Variants in PACSIN2 observed in about 807,000 individuals in gnomAD.
PACSIN2 encodes protein kinase C and casein kinase substrate in neurons 2, also known as protein kinase C and casein kinase substrate in neurons protein 2.
In PACSIN2, 25 loss-of-function variants were observed where a neutral mutation model predicts 63.8. The ratio of observed to expected loss-of-function variants is 0.39; its 90% CI spans 0.29 to 0.55. The LOEUF is 0.55. Among genes scored for constraint, PACSIN2 ranks in the 20% least tolerant of loss-of-function variants. The pLI, the probability that PACSIN2 is intolerant of heterozygous loss-of-function variation, is 0.62. For missense variants in PACSIN2, 518 were observed against 646.9 expected, an observed-to-expected ratio of 0.80 and a Z score of 2.16; for synonymous variants, 255 against 256.2, an observed-to-expected ratio of 1.00 and a Z score of 0.05.
At position 43,001,709 on chromosome 22, in the gene PACSIN2, G is replaced by T. The variant is rs146019870; in HGVS notation, c.-78+13312C>A. Among the ~76,000 whole-genome samples, 471 of 152,306 alleles carry T rather than the reference G, an allele frequency of 3.1e-3. 3 individuals are homozygous for T. The highest frequency in any genetic ancestry group is 0.011 in the African/African-American group (464 of 41,546). The stretch of plus-strand genomic sequence containing the variant: ...TGTGAACATCAGCTTTTCTTAGCTG[G>T]GATAAGAGGAACCAAGAAAAGTAAG... On this transcript the variant is annotated intron_variant, in intron 1 of 10. Transcript: ENST00000263246.
At chr22:42,879,887 T>C (rs970227997) in intron 7 of PACSIN2, among the ~76,000 whole-genome samples, 1 of 152,158 alleles carries the variant, frequency 6.6e-6, no homozygotes, top group Non-Finnish European at 1.5e-5. Context: ...GGACTTTTCC[T>C]CTGTGATCTG....
At chr22:42,933,011 A>G (rs1162378521) in intron 1 of PACSIN2, among the ~76,000 whole-genome samples, 1 of 152,288 alleles carries the variant, frequency 6.6e-6, no homozygotes, top group African/African-American at 2.4e-5. Context: ...ATTCTCAAGT[A>G]TCAAGAGTTG....
intron 2 of PACSIN2, chr22:42,909,297 T>C (rs1342530409): frequency 3.1e-6 from 1 of 323,756 alleles, no homozygotes; most frequent in African/African-American, 2.2e-5. Flanking sequence ...GGCTCTGGAA[T>C]GACATATTCC....
chr22:42,981,470 G>A (rs1431486339), intron 1 of PACSIN2, among the ~76,000 whole-genome samples: 8 of 73,254 alleles, frequency 1.1e-4, no homozygotes, highest in Admixed American at 3.3e-4. Context: ...CGCCCCGTCC[G>A]GGAGGGAGGC....
At chr22:42,977,612 G>C (rs1162114524) in intron 1 of PACSIN2, among the ~76,000 whole-genome samples, 1 of 152,194 alleles carries the variant, frequency 6.6e-6, no homozygotes, top group Non-Finnish European at 1.5e-5. Context: ...ATATGGTTAG[G>C]CTCTGTGTCC....
chr22:42,964,565 G>C (rs1162977659), intron 1 of PACSIN2, among the ~76,000 whole-genome samples: 2 of 152,164 alleles, frequency 1.3e-5, no homozygotes, highest in African/African-American at 4.8e-5. Context: ...GACAGGGCAA[G>C]GGCAAGGCAG....
intron 1 of PACSIN2, among the ~76,000 whole-genome samples, chr22:42,915,453 C>A (rs1321071468): frequency 2.0e-5 from 3 of 152,164 alleles, no homozygotes; most frequent in African/African-American, 4.8e-5. Flanking sequence ...CATAGCACTG[C>A]ACTCAGCAAC....
intron 1 of PACSIN2, among the ~76,000 whole-genome samples, chr22:42,989,713 A>G (rs1323725313): frequency 2.0e-5 from 3 of 151,746 alleles, no homozygotes; most frequent in Non-Finnish European, 4.4e-5. Flanking sequence ...TAGGAGAATC[A>G]TTTGAACCTG....
At chr22:42,937,150 G>A (rs8140884) in intron 1 of PACSIN2, among the ~76,000 whole-genome samples, 40,289 of 152,084 alleles carry the variant, frequency 0.26, 5,766 homozygotes, top group South Asian at 0.37. Flanking sequence ...GACCCAGCAG[G>A]TGCTATGCAG....
intron 1 of PACSIN2, among the ~76,000 whole-genome samples, chr22:42,924,814 T>A (rs1216765580): frequency 6.6e-6 from 1 of 151,610 alleles, no homozygotes; most frequent in Non-Finnish European, 1.5e-5. Context: ...TGAAGCGCAG[T>A]GGCACGATCT....
rs186145894 is a variant in PACSIN2, at chr22:42,924,425, T to C, written c.-77-12268A>G. Among the ~76,000 whole-genome samples, 12 of 152,342 alleles carry C rather than the reference T, an allele frequency of 7.9e-5. No homozygotes were observed. In the East Asian group the frequency reaches 2.3e-3, roughly 29 times the overall value. ...CACTGCTGCATGCTTTCTCAATGCA[T>C]GATATATTTAACAATCTGACTTCAG... is the stretch of plus-strand genomic sequence containing the variant. On this transcript the variant is annotated intron_variant, in intron 1 of 10. Coordinates refer to ENST00000263246, the MANE Select transcript of PACSIN2 (RefSeq NM_001184970.3).
At chr22:42,900,715 C>T (rs2146693751) in intron 2 of PACSIN2, among the ~76,000 whole-genome samples, 1 of 152,300 alleles carries the variant, frequency 6.6e-6, no homozygotes, top group East Asian at 1.9e-4. Flanking sequence ...CTCAAGCAAT[C>T]CTCCCAACTT....
chr22:42,891,344 C>T (rs1929901351), intron 3 of PACSIN2, among the ~76,000 whole-genome samples, 162 bp from the exon 4 acceptor site: 1 of 152,108 alleles, frequency 6.6e-6, no homozygotes, highest in Admixed American at 6.5e-5. Context: ...TTTCAGTTCC[C>T]AAAGCTGAAT....
At position 42,903,080 on chromosome 22, in the gene PACSIN2, A is replaced by C. The variant is rs575871003; in HGVS notation, c.60+8941T>G. 1.5e-4 allele frequency among the ~76,000 whole-genome samples: 23 copies of C among 152,350 alleles called. No individual in the cohort carries two copies. In the East Asian group the frequency reaches 4.1e-3, roughly 27 times the overall value. ...GAGTCACATAAGCACAGCCAGCTGC[A>C]GGGCCTCACCGGGCCTTCACTGCAG... On this transcript the variant is annotated intron_variant, in intron 2 of 10. Coordinates refer to ENST00000263246, the MANE Select transcript of PACSIN2 (RefSeq NM_001184970.3).
At chr22:42,998,356 A>G (rs763562654) in intron 1 of PACSIN2, among the ~76,000 whole-genome samples, 2 of 152,152 alleles carry the variant, frequency 1.3e-5, no homozygotes, top group African/African-American at 2.4e-5. Context: ...CTTCCAGTTT[A>G]TAACTCAACC....
chr22:42,903,632 G>C (rs920463113), intron 2 of PACSIN2, among the ~76,000 whole-genome samples: 1 of 152,108 alleles, frequency 6.6e-6, no homozygotes, highest in African/African-American at 2.4e-5. Flanking sequence ...TCCACACTTC[G>C]GTGCTGCCTT....
At chr22:43,007,219 C>CT (rs532308992) in intron 1 of PACSIN2, among the ~76,000 whole-genome samples, 3,402 of 137,844 alleles carry the variant, frequency 0.025, 115 homozygotes, top group African/African-American at 0.072. Context: ...ACCTCTTGTT[C>CT]TTTTTTTTTT....
At chr22:42,893,728 C>G in intron 2 of PACSIN2, 115 bp from the exon 3 acceptor site, 1 of 971,804 alleles carries the variant, frequency 1.0e-6, no homozygotes, top group South Asian at 1.5e-5. Flanking sequence ...TCATGTTTAC[C>G]ACACCCCTCT....
intron 1 of PACSIN2, among the ~76,000 whole-genome samples, chr22:42,964,319 G>A (rs969087905): frequency 6.6e-6 from 1 of 151,900 alleles, no homozygotes; most frequent in African/African-American, 2.4e-5. Flanking sequence ...TCGAGAGGCT[G>A]AGGCAGGAGA....
Sources: gnomAD v4.1 joint callset for allele counts (sites outside exome capture counted in the v4.1 genomes callset) on GRCh38, gnomAD v4.1.1 for gene constraint, MANE v1.5 for transcripts, NCBI Gene and HGNC (gene_info 2026-07-23, HGNC 2026-07-21) for gene names.